The following TEAD1 variants were observed in gnomAD, a reference collection of about 807,000 sequenced individuals.
TEAD1 encodes the protein TEA domain transcription factor 1, also known as transcriptional enhancer factor TEF-1.
In TEAD1, 9 loss-of-function variants were observed where a neutral mutation model predicts 54.9. The observed-to-expected ratio is 0.16, with a 90% CI of 0.10 to 0.29. The LOEUF is 0.29. Ranked by LOEUF, TEAD1 falls within the 10% of genes least tolerant of loss-of-function variation. The pLI is 1.00. For missense variants in TEAD1, 387 were observed against 535.9 expected (o/e 0.72, Z 2.74); for synonymous variants, 200 against 187.8 (o/e 1.07, Z -0.53).
intron 10 of TEAD1, among the ~76,000 whole-genome samples, chr11:12,923,810 T>G (rs1237916713): frequency 6.6e-6 from 1 of 152,170 alleles, no homozygotes; most frequent in African/African-American, 2.4e-5. Context: ...GGGCAGAGGC[T>G]CAACACCTAA....
intron 2 of TEAD1, among the ~76,000 whole-genome samples, chr11:12,746,950 T>A (rs1192142383): frequency 6.6e-6 from 1 of 152,158 alleles, no homozygotes; most frequent in Admixed American, 6.5e-5. Flanking sequence ...GCTCAGCAGG[T>A]GGCAGGTCCT....
At chr11:12,837,901 C>A (rs1263176765) in intron 3 of TEAD1, among the ~76,000 whole-genome samples, 1 of 150,454 alleles carries the variant, frequency 6.6e-6, no homozygotes, top group Non-Finnish European at 1.5e-5. Context: ...CTCCAGAGTT[C>A]AAGCGATTCT....
intron 2 of TEAD1, among the ~76,000 whole-genome samples, chr11:12,747,023 T>C (rs1944759191): frequency 6.6e-6 from 1 of 152,352 alleles, no homozygotes; most frequent in African/African-American, 2.4e-5. Context: ...TCAGGGTGTT[T>C]GGAAACCTGA....
chr11:12,848,624 A>G (rs1395306385), intron 3 of TEAD1, among the ~76,000 whole-genome samples: 2 of 152,108 alleles, frequency 1.3e-5, no homozygotes, highest in Non-Finnish European at 2.9e-5. Context: ...AATTAGGTGA[A>G]TGTGAAGGTT....
chr11:12,884,249 T>C (rs998449679), intron 9 of TEAD1, among the ~76,000 whole-genome samples: 2 of 152,024 alleles, frequency 1.3e-5, no homozygotes, highest in African/African-American at 2.4e-5. Flanking sequence ...CACCCACTCC[T>C]TGGCTGTGAG....
chr11:12,926,087 C>G (rs575570899), intron 11 of TEAD1, among the ~76,000 whole-genome samples: 44 of 152,222 alleles, frequency 2.9e-4, no homozygotes, highest in African/African-American at 1.0e-3. Flanking sequence ...TATCCATCAC[C>G]CAATTAATTG....
chr11:12,740,208 G>A lies in TEAD1; in HGVS notation c.-54-23971G>A, dbSNP rs537478023. ...TGATGAGGCAATTTATTTTCTTACC[G>A]TGCCTTAGTTTCCTCATCTCTAAAA... On this transcript the variant is annotated intron_variant, in intron 2 of 12. Transcript: ENST00000527636. 3.3e-4 allele frequency among the ~76,000 whole-genome samples: 50 copies of A among 152,198 alleles called. 1 individual carries two copies. Among genetic ancestry groups the A allele is most frequent in the African/African-American group, 1.2e-3 (48 of 41,540 alleles).
chr11:12,910,648 T>A (rs1948599512), intron 10 of TEAD1, among the ~76,000 whole-genome samples: 1 of 152,208 alleles, frequency 6.6e-6, no homozygotes, highest in East Asian at 1.9e-4. Flanking sequence ...GGATATATGA[T>A]GTTATCCTAT....
chr11:12,741,448 A>G (rs1254154536), intron 2 of TEAD1, among the ~76,000 whole-genome samples: 1 of 152,210 alleles, frequency 6.6e-6, no homozygotes, highest in African/African-American at 2.4e-5. Context: ...CACCAGCAGC[A>G]TATTTTCTAT....
At chr11:12,714,974 G>A (rs1299611211) in intron 2 of TEAD1, among the ~76,000 whole-genome samples, 1 of 152,134 alleles carries the variant, frequency 6.6e-6, no homozygotes, top group African/African-American at 2.4e-5. Context: ...TTCAACATAC[G>A]ATTTTTTTGA....
rs1032049249 is a variant in TEAD1 at position 12,838,052 on chromosome 11, C to T, written c.203-24198C>T. 3.5e-4 allele frequency among the ~76,000 whole-genome samples: 54 copies of T among 152,154 alleles called. 1 individual carries two copies. Among genetic ancestry groups the T allele is most frequent in the African/African-American group, 1.3e-3 (54 of 41,428 alleles). On this transcript the variant is annotated intron_variant, in intron 3 of 12. Coordinates refer to ENST00000527636, the MANE Select transcript of TEAD1 (RefSeq NM_021961.6). ...CCTCAGATGATCTGCCCTCCTGGGA[C>T]TCCCAAAGTGCTGGGATTACAGGTG...
chr11:12,883,012 G>C lies in TEAD1; in HGVS notation c.586G>C (p.Ala196Pro). 6.2e-7 allele frequency: 1 copy of C among 1,614,186 alleles called. No homozygotes were observed. The highest frequency in any genetic ancestry group is 1.6e-4 in the Middle Eastern group (1 of 6,062). Residue 196 changes from alanine (A) to proline (P), a missense_variant, in exon 9 of 13, where the codon GCA (alanine) becomes CCA (proline). By Grantham distance (27) the Ala-to-Pro change is conservative. Transcript: ENST00000527636. ...GATTGCTCTTTCAGGGTTTGAGCCT[G>C]CATCGGCCCCAGCTCCCTCAGTCCC...
chr11:12,763,012 C>T (rs985653447), intron 2 of TEAD1, among the ~76,000 whole-genome samples: 5 of 152,150 alleles, frequency 3.3e-5, no homozygotes, highest in African/African-American at 9.7e-5. Context: ...CTCCTCTTTT[C>T]GATCAATCCT....
intron 1 of TEAD1, among the ~76,000 whole-genome samples, chr11:12,675,044 TGCCAGGACGCCAAGTTGGGCCGCGC>T (rs1943047679): frequency 6.9e-6 from 1 of 145,464 alleles, no homozygotes; most frequent in Admixed American, 6.8e-5. Flanking sequence ...CCGCGCGACT[TGCCAGGACGCCAAGTTGGGCCGCGC>T]GCTGGGAGCC....
At chr11:12,778,550 T>A (rs939298359) in intron 3 of TEAD1, among the ~76,000 whole-genome samples, 37 of 142,898 alleles carry the variant, frequency 2.6e-4, no homozygotes, top group Admixed American at 4.7e-4. Context: ...TTTTTTTTTT[T>A]AAACTGTAGT....
At chr11:12,765,091 G>A (rs993849033) in intron 3 of TEAD1, among the ~76,000 whole-genome samples, 1 of 151,998 alleles carries the variant, frequency 6.6e-6, no homozygotes, top group African/African-American at 2.4e-5. Flanking sequence ...CCCCTTCTTT[G>A]GGGGTTGCCT....
At chr11:12,895,542 A>T (rs1030002206) in intron 9 of TEAD1, among the ~76,000 whole-genome samples, 3 of 152,228 alleles carry the variant, frequency 2.0e-5, no homozygotes, top group African/African-American at 7.2e-5. Context: ...AAGCCCAAGG[A>T]ACTTGTGGCT....
chr11:12,710,133 C>G (rs1373124010), intron 2 of TEAD1, among the ~76,000 whole-genome samples: 2 of 152,038 alleles, frequency 1.3e-5, no homozygotes, highest in Non-Finnish European at 2.9e-5. Flanking sequence ...TTGAGACCAG[C>G]CTGGGCAACA....
intron 3 of TEAD1, among the ~76,000 whole-genome samples, chr11:12,817,130 G>A (rs1003920372): frequency 3.3e-5 from 5 of 152,170 alleles, no homozygotes; most frequent in South Asian, 2.1e-4. Context: ...CAGGCCTTGC[G>A]CTGCTTGGAT....
Sources: gnomAD v4.1 joint callset for allele counts (sites outside exome capture counted in the v4.1 genomes callset) on GRCh38, gnomAD v4.1.1 for gene constraint, MANE v1.5 for transcripts, NCBI Gene and HGNC (gene_info 2026-07-23, HGNC 2026-07-21) for gene names.